PXDNL: variants seen among roughly 807,000 people sequenced by gnomAD.
PXDNL encodes peroxidasin like.
Under a neutral mutation model 150.8 loss-of-function variants are expected in PXDNL, and 145 were observed. The observed-to-expected ratio is 0.96, with a 90% CI of 0.84 to 1.10. The LOEUF is 1.10. PXDNL is among the 50% of genes least tolerant of loss of function. PXDNL has a pLI of 0.00. For missense variants in PXDNL, 2,087 were observed against 1,873.9 expected, an observed-to-expected ratio of 1.11 and a Z score of -2.10; for synonymous variants, 757 against 725.7, an observed-to-expected ratio of 1.04 and a Z score of -0.69.
At chr8:51,374,211 T>A (rs1392579694) in intron 18 of PXDNL, among the ~76,000 whole-genome samples, 1 of 152,200 alleles carries the variant, frequency 6.6e-6, no homozygotes, top group African/African-American at 2.4e-5. Context: ...GCTGCAGACG[T>A]CCTATGGAAT....
intron 4 of PXDNL, among the ~76,000 whole-genome samples, chr8:51,531,589 G>T (rs559437312): frequency 6.6e-6 from 1 of 152,290 alleles, no homozygotes; most frequent in South Asian, 2.1e-4. Flanking sequence ...TGAACACAGA[G>T]CTCTGTTGGG....
chr8:51,592,531 G>A (rs895836359), intron 3 of PXDNL, 96 bp downstream of exon 3: 3 of 743,080 alleles, frequency 4.0e-6, no homozygotes, highest in Non-Finnish European at 6.6e-6. Flanking sequence ...TTTCACGAAG[G>A]TAAAGAATTA....
intron 1 of PXDNL, among the ~76,000 whole-genome samples, chr8:51,727,646 T>TA (rs1563301991): frequency 6.6e-6 from 1 of 151,432 alleles, no homozygotes. Flanking sequence ...TATAACTGAC[T>TA]AAAAAAAGGA....
intron 14 of PXDNL, among the ~76,000 whole-genome samples, chr8:51,421,474 C>G (rs1808951389): frequency 6.6e-6 from 1 of 152,084 alleles, no homozygotes; most frequent in Non-Finnish European, 1.5e-5. Context: ...CTAAGGTGGG[C>G]AGATCACCTG....
At chr8:51,785,830 A>C (rs528263894) in intron 1 of PXDNL, among the ~76,000 whole-genome samples, 1 of 152,364 alleles carries the variant, frequency 6.6e-6, no homozygotes, top group African/African-American at 2.4e-5. Context: ...AGGGAAAAGA[A>C]GAGTGGCAAG....
At chr8:51,503,398 CA>C (rs1050502421) in intron 4 of PXDNL, among the ~76,000 whole-genome samples, 3 of 13,452 alleles carry the variant, frequency 2.2e-4, no homozygotes, top group Non-Finnish European at 2.4e-3. Context: ...AAATCTTTTT[CA>C]AAATTTTTTT....
chr8:51,627,172 C>T (rs767596726), intron 2 of PXDNL, among the ~76,000 whole-genome samples: 10 of 152,096 alleles, frequency 6.6e-5, no homozygotes, highest in Non-Finnish European at 1.2e-4. Flanking sequence ...TTTAGGAGTA[C>T]AATTAAATTT....
At chr8:51,661,281 T>C (rs1055762793) in intron 1 of PXDNL, among the ~76,000 whole-genome samples, 2 of 152,214 alleles carry the variant, frequency 1.3e-5, no homozygotes, top group African/African-American at 4.8e-5. Context: ...CATCTTCCGC[T>C]GTTGATTGCT....
chr8:51,386,266 T>C (rs538235276), intron 17 of PXDNL, among the ~76,000 whole-genome samples: 1 of 152,182 alleles, frequency 6.6e-6, no homozygotes, highest in East Asian at 1.9e-4. Context: ...CTAATTTTTG[T>C]ATTTTTAGTA....
At chr8:51,498,889 G>T (rs150338464) in intron 5 of PXDNL, among the ~76,000 whole-genome samples, 1 of 152,092 alleles carries the variant, frequency 6.6e-6, no homozygotes, top group African/African-American at 2.4e-5. Flanking sequence ...ACATCCATCC[G>T]TGTTGCAGTA....
At chr8:51,436,748 T>C (rs1809417007) in intron 12 of PXDNL, among the ~76,000 whole-genome samples, 1 of 152,072 alleles carries the variant, frequency 6.6e-6, no homozygotes. Context: ...GCCTACACCA[T>C]GAAGTCTGAA....
chr8:51,714,510 G>C (rs775149080), intron 1 of PXDNL, among the ~76,000 whole-genome samples: 20 of 151,998 alleles, frequency 1.3e-4, no homozygotes, highest in Admixed American at 5.2e-4. Flanking sequence ...AAAAGATTTT[G>C]GGGTTATAAT....
At chr8:51,477,542 G>C (rs1275487838) in intron 6 of PXDNL, among the ~76,000 whole-genome samples, 1 of 152,154 alleles carries the variant, frequency 6.6e-6, no homozygotes, top group Non-Finnish European at 1.5e-5. Context: ...AACAAATCTA[G>C]TTCAACAGTA....
At chr8:51,782,930 G>A (rs376681374) in intron 1 of PXDNL, among the ~76,000 whole-genome samples, 1 of 152,136 alleles carries the variant, frequency 6.6e-6, no homozygotes, top group African/African-American at 2.4e-5. Flanking sequence ...GACAATCTGC[G>A]ATTTTAATAT....
intron 1 of PXDNL, among the ~76,000 whole-genome samples, chr8:51,672,280 C>T (rs1309610967): frequency 6.6e-6 from 1 of 152,202 alleles, no homozygotes; most frequent in African/African-American, 2.4e-5. Flanking sequence ...CCGTGCCTGG[C>T]TTCAAATCAT....
chr8:51,679,492 G>A (rs189383193), intron 1 of PXDNL, among the ~76,000 whole-genome samples: 5 of 152,314 alleles, frequency 3.3e-5, no homozygotes, highest in East Asian at 1.9e-4. Flanking sequence ...TGCTAAATCA[G>A]GGGTGGAGAA....
chr8:51,549,432 C>T (rs894851988), intron 4 of PXDNL, among the ~76,000 whole-genome samples: 3 of 152,122 alleles, frequency 2.0e-5, no homozygotes. Flanking sequence ...TATGACAGGC[C>T]ACAAAACAAG....
At chr8:51,555,286 C>T (rs752962452) in intron 4 of PXDNL, among the ~76,000 whole-genome samples, 2 of 152,158 alleles carry the variant, frequency 1.3e-5, no homozygotes, top group Non-Finnish European at 2.9e-5. Context: ...AAAGAGCTTG[C>T]TCCCACAATA....
At chr8:51,487,340 A>G (rs1423549719) in intron 5 of PXDNL, among the ~76,000 whole-genome samples, 4 of 152,044 alleles carry the variant, frequency 2.6e-5, no homozygotes, top group African/African-American at 9.7e-5. Flanking sequence ...TTCAAGATGT[A>G]TCCCTTGAAA....
Sources: gnomAD v4.1 joint callset for allele counts (sites outside exome capture counted in the v4.1 genomes callset) on GRCh38, gnomAD v4.1.1 for gene constraint, MANE v1.5 for transcripts, NCBI Gene and HGNC (gene_info 2026-07-23, HGNC 2026-07-21) for gene names.